FOXP1: variants seen among roughly 807,000 people sequenced by gnomAD.
FOXP1 encodes the protein forkhead box protein P1.
Under a neutral mutation model 98.2 loss-of-function variants are expected in FOXP1, and 15 were observed. The ratio of observed to expected loss-of-function variants is 0.15; its 90% CI spans 0.10 to 0.24. The LOEUF (loss-of-function observed/expected upper bound fraction) is 0.24. Among genes scored for constraint, FOXP1 ranks in the 10% least tolerant of loss-of-function variants. FOXP1 has a pLI of 1.00. For missense variants in FOXP1, 633 were observed against 848.5 expected, an observed-to-expected ratio of 0.75 and a Z score of 3.15; for synonymous variants, 371 against 314.5, an observed-to-expected ratio of 1.18 and a Z score of -1.90.
At chr3:71,480,983 C>G (rs907522365) in intron 3 of FOXP1, among the ~76,000 whole-genome samples, 6 of 152,144 alleles carry the variant, frequency 3.9e-5, no homozygotes, top group Admixed American at 6.5e-5. Flanking sequence ...CAGGCAATAT[C>G]CTTCATTCTT....
intron 12 of FOXP1, among the ~76,000 whole-genome samples, chr3:71,009,151 G>A (rs1016359423): frequency 7.7e-5 from 6 of 77,972 alleles, no homozygotes; most frequent in Non-Finnish European, 1.7e-4. Flanking sequence ...TGAAATCATG[G>A]GGGCGGGGGG....
chr3:70,979,171 A>G (rs2038233316), intron 14 of FOXP1, among the ~76,000 whole-genome samples: 1 of 151,174 alleles, frequency 6.6e-6, no homozygotes, highest in Non-Finnish European at 1.5e-5. Context: ...AGTCCCAGCT[A>G]CCTAGGAGGC....
At chr3:70,995,589 G>A (rs560979543) in intron 13 of FOXP1, among the ~76,000 whole-genome samples, 15 of 152,264 alleles carry the variant, frequency 9.9e-5, no homozygotes, top group African/African-American at 3.4e-4. Flanking sequence ...GTGTCTATGT[G>A]TATAGTATAA....
In FOXP1 at chr3:71,255,514, G is replaced by A. The variant is rs553828571; in HGVS notation, c.-12+44306C>T. 2.6e-5 allele frequency among the ~76,000 whole-genome samples: 4 copies of A among 151,926 alleles called. 1 individual carries two copies. In the South Asian group the frequency reaches 8.4e-4, roughly 32 times the overall value. On this transcript the variant is annotated intron_variant, in intron 5 of 20. Coordinates refer to ENST00000649528, the MANE Select transcript of FOXP1 (RefSeq NM_001349338.3). ...CTCCCATCTTAACAATCTTCTTTTA[G>A]GCTAATAAATTTCTTTTGATGCCTA...
intron 7 of FOXP1, among the ~76,000 whole-genome samples, chr3:71,103,294 C>A (rs1489595068): frequency 9.2e-5 from 14 of 152,164 alleles, no homozygotes; most frequent in African/African-American, 3.4e-4. Flanking sequence ...GAGCTTCATC[C>A]TATTTTCTCT....
intron 3 of FOXP1, among the ~76,000 whole-genome samples, chr3:71,460,287 TG>T (rs2087934965): frequency 6.6e-6 from 1 of 152,070 alleles, no homozygotes; most frequent in Admixed American, 6.6e-5. Flanking sequence ...TCACCCAAGC[TG>T]GAATGCAGTG....
intron 10 of FOXP1, among the ~76,000 whole-genome samples, chr3:71,043,920 T>C (rs1212046601): frequency 6.6e-6 from 1 of 152,226 alleles, no homozygotes; most frequent in East Asian, 1.9e-4. Flanking sequence ...TCAGTTCCAT[T>C]ATCCATAGAG....
chr3:71,066,194 A>G (rs2052484720), intron 7 of FOXP1, among the ~76,000 whole-genome samples: 1 of 152,096 alleles, frequency 6.6e-6, no homozygotes, highest in Non-Finnish European at 1.5e-5. Context: ...GCAGGTTACT[A>G]CAGACCAGAA....
At chr3:71,257,680 C>A (rs1259504359) in intron 5 of FOXP1, among the ~76,000 whole-genome samples, 1 of 151,730 alleles carries the variant, frequency 6.6e-6, no homozygotes, top group Non-Finnish European at 1.5e-5. Flanking sequence ...AATGGAGCCA[C>A]GGGAGTATTT....
intron 11 of FOXP1, among the ~76,000 whole-genome samples, chr3:71,037,865 T>A (rs1318314018): frequency 6.6e-6 from 1 of 152,204 alleles, no homozygotes; most frequent in Non-Finnish European, 1.5e-5. Flanking sequence ...TATTGATAAA[T>A]GTCTCTACCC....
intron 5 of FOXP1, among the ~76,000 whole-genome samples, chr3:71,270,153 T>G (rs2070195535): frequency 6.6e-6 from 1 of 152,124 alleles, no homozygotes; most frequent in Non-Finnish European, 1.5e-5. Context: ...CCTCCCCGAG[T>G]GGCACTTTTT....
chr3:71,198,723 G>A (rs896646750), intron 5 of FOXP1, among the ~76,000 whole-genome samples: 4 of 151,082 alleles, frequency 2.6e-5, no homozygotes, highest in Admixed American at 6.6e-5. Flanking sequence ...GATGGAGCAC[G>A]GCTCAGTCGC....
At chr3:71,065,105 T>C (rs1576543335) in intron 7 of FOXP1, among the ~76,000 whole-genome samples, 1 of 146,474 alleles carries the variant, frequency 6.8e-6, no homozygotes, top group African/African-American at 2.5e-5. Flanking sequence ...CCCGGCCCCC[T>C]CCGCGCGGCA....
upstream of FOXP1, chr3:71,583,742 C>G: frequency 1.0e-6 from 1 of 985,650 alleles, no homozygotes; most frequent in Non-Finnish European, 1.2e-6. Context: ...GTGCAACCGC[C>G]ACACAATAAA....
At chr3:71,320,826 A>C (rs2075344610) in intron 4 of FOXP1, among the ~76,000 whole-genome samples, 1 of 152,178 alleles carries the variant, frequency 6.6e-6, no homozygotes, top group Non-Finnish European at 1.5e-5. Context: ...ATGGTTCAGC[A>C]ACACGCGGCC....
At chr3:71,528,921 C>A (rs56929350) in intron 2 of FOXP1, among the ~76,000 whole-genome samples, 4,468 of 152,188 alleles carry the variant, frequency 0.029, 226 homozygotes, top group African/African-American at 0.1. Context: ...CAAGGAATAG[C>A]GATCATGAAT....
intron 4 of FOXP1, among the ~76,000 whole-genome samples, chr3:71,305,486 TGGCCCGG>T (rs2074205793): frequency 6.6e-6 from 1 of 152,214 alleles, no homozygotes; most frequent in African/African-American, 2.4e-5. Flanking sequence ...GGGAGGACCC[TGGCCCGG>T]GTATAGACAA....
At chr3:71,492,899 T>C (rs1002566052) in intron 3 of FOXP1, among the ~76,000 whole-genome samples, 1 of 152,136 alleles carries the variant, frequency 6.6e-6, no homozygotes, top group Admixed American at 6.5e-5. Context: ...ATGAATAACC[T>C]AATGAGGTAA....
chr3:71,149,630 T>C (rs561766011), intron 6 of FOXP1, among the ~76,000 whole-genome samples: 39 of 152,198 alleles, frequency 2.6e-4, no homozygotes, highest in South Asian at 1.2e-3. Flanking sequence ...TTGTTTGCTA[T>C]TAAAAAAAGA....
Sources: allele counts gnomAD v4.1 joint callset (sites outside exome capture counted in the v4.1 genomes callset), GRCh38; gene constraint gnomAD v4.1.1; transcripts MANE v1.5; gene names NCBI Gene and HGNC (gene_info 2026-07-23, HGNC 2026-07-21).